Variants in YIPF4 observed in about 807,000 individuals in gnomAD.
YIPF4 encodes the protein Yip1 domain family member 4.
YIPF4 carries 18 observed loss-of-function variants against 29.4 expected under a neutral mutation model. The ratio of observed to expected loss-of-function variants is 0.61; its 90% confidence interval spans 0.42 to 0.91. YIPF4 has a LOEUF of 0.91. Ranked by LOEUF, YIPF4 falls within the 40% of genes least tolerant of loss-of-function variation. The probability of loss-of-function intolerance (pLI) is 0.00; values close to 1 mark genes in which losing one functional copy is unlikely to be tolerated. For synonymous variants in YIPF4, 115 were observed against 104.7 expected (o/e 1.10, Z -0.60); for missense variants, 279 against 282.7 (o/e 0.99, Z 0.09).
chr2:32,305,613 A>T lies in YIPF4; in HGVS notation c.722A>T (p.Tyr241Phe), dbSNP rs1558482841. 1 of 1,599,524 alleles carries T rather than the reference A, an allele frequency of 6.3e-7. No individual in the cohort carries two copies. Among genetic ancestry groups the T allele is most frequent in the Non-Finnish European group, 8.5e-7 (1 of 1,174,414 alleles). The change falls in exon 6 of 6, where the codon TAT (tyrosine) becomes TTT (phenylalanine). Residue 241 changes from tyrosine (Y) to phenylalanine (F), a missense_variant. Transcript: ENST00000238831. ...FLLYIYFLSL[Y>F]TGV ...TTATACATTTATTTTTTGTCGTTAT[A>T]TACTGGTGTGTGATCCAAGTTATAC...
chr2:32,296,579 A>T (rs1206472578), intron 3 of YIPF4, among the ~76,000 whole-genome samples: 1 of 152,034 alleles, frequency 6.6e-6, no homozygotes, highest in Admixed American at 6.5e-5. Flanking sequence ...TGGATTATGC[A>T]TTTTTGGCAA....
intron 1 of YIPF4, among the ~76,000 whole-genome samples, chr2:32,283,292 T>C (rs933179262): frequency 2.0e-5 from 3 of 152,164 alleles, no homozygotes; most frequent in Non-Finnish European, 4.4e-5. Context: ...TTTCTACACG[T>C]CATATAAATT....
Position 32,306,434 on chromosome 2 carries a change from A to C in YIPF4, c.*808A>C, listed in dbSNP as rs1292662009. 1 of 984,144 alleles carries C rather than the reference A, an allele frequency of 1.0e-6. No individual in the cohort carries two copies. Among genetic ancestry groups the C allele is most frequent in the Non-Finnish European group, 1.2e-6 (1 of 828,384 alleles). 61.0% of individuals were successfully genotyped at this position (984,144 alleles called of 1,614,324 possible). A position where few individuals can be genotyped will look rare whatever the true frequency, so the allele number is the denominator to read the frequency against. ...ATTAAAATCTTTACTATGTACAAAA[A>C]CAGTAATATTTACAGCATCAGTAAA... is the stretch of plus-strand genomic sequence containing the variant. On this transcript the variant is annotated 3_prime_UTR_variant, in exon 6 of 6. Coordinates refer to ENST00000238831, the MANE Select transcript of YIPF4 (RefSeq NM_032312.4).
chr2:32,293,777 C>G (rs1381948915), intron 3 of YIPF4, among the ~76,000 whole-genome samples: 3 of 150,592 alleles, frequency 2.0e-5, no homozygotes, highest in African/African-American at 4.9e-5. Context: ...TCCTCACTTC[C>G]CAGTAGGGGC....
intron 3 of YIPF4, 41 bp from the exon 4 acceptor site, chr2:32,298,193 T>C: frequency 7.0e-7 from 1 of 1,428,916 alleles, no homozygotes; most frequent in Non-Finnish European, 9.8e-7. Flanking sequence ...TATCATCTTA[T>C]TTGGTATAAA....
chr2:32,286,974 G>C (rs916738423), intron 1 of YIPF4, among the ~76,000 whole-genome samples: 2 of 152,198 alleles, frequency 1.3e-5, no homozygotes, highest in African/African-American at 4.8e-5. Flanking sequence ...GCCAGGCACA[G>C]TGGCTCGTGT....
At chr2:32,283,229 T>A (rs917670623) in intron 1 of YIPF4, among the ~76,000 whole-genome samples, 9 of 152,188 alleles carry the variant, frequency 5.9e-5, no homozygotes, top group South Asian at 2.1e-4. Context: ...ACTTTTTTTT[T>A]ATTGTTTTCC....
chr2:32,282,951 C>T (rs2030496601), intron 1 of YIPF4, among the ~76,000 whole-genome samples: 1 of 151,714 alleles, frequency 6.6e-6, no homozygotes, highest in Non-Finnish European at 1.5e-5. Flanking sequence ...GTGGCGGGTG[C>T]CTGTAGTCCC....
At position 32,292,250 on chromosome 2, in the gene YIPF4, G is replaced by C; in HGVS notation, c.307G>C (p.Gly103Arg). The C allele has an allele frequency of 6.2e-7, 1 of 1,604,292 alleles. No individual in the cohort carries two copies. ...RCVLMPMPSLGFNRQVVRDNP... is the reference protein window; with the variant it reads ...RCVLMPMPSLRFNRQVVRDNP... ...TGTTTTGATGCCAATGCCATCACTT[G>C]GTTTTAATAGACAAGTGGTGAGAGA... The change falls in exon 3 of 6, where the codon GGT becomes CGT. Residue 103 changes from glycine to arginine, a missense_variant. Gly to Arg is a moderately radical substitution (Grantham distance 125). Coordinates refer to ENST00000238831, the MANE Select transcript of YIPF4 (RefSeq NM_032312.4).
intron 1 of YIPF4, among the ~76,000 whole-genome samples, chr2:32,279,416 G>C (rs1396284815): frequency 7.8e-5 from 1 of 12,876 alleles, no homozygotes. Context: ...TTTTTTTTTT[G>C]AGACTGAGTC....
rs2031771189 is a variant in YIPF4 at position 32,313,953 on chromosome 2, C to T, written c.*8327C>T. ...AGGTGATCTGCCCGCCTTGGCCTCC[C>T]AAAGTGCTGGGATTATAGGCATGAA... is the stretch of plus-strand genomic sequence containing the variant. On this transcript the variant is annotated 3_prime_UTR_variant, in exon 6 of 6. Transcript: ENST00000238831. 6.6e-6 allele frequency: 1 copy of T among 152,212 alleles called. No homozygotes were observed. The highest frequency in any genetic ancestry group is 1.5e-5 in the Non-Finnish European group (1 of 68,062). 9.4% of individuals were successfully genotyped at this position (152,212 alleles called of 1,614,324 possible).
Position 32,306,505 on chromosome 2 carries a change from C to T in YIPF4, c.*879C>T, listed in dbSNP as rs1249552469. 2 of 983,778 alleles carry T rather than the reference C, an allele frequency of 2.0e-6. No individual in the cohort carries two copies. The highest frequency in any genetic ancestry group is 2.4e-6 in the Non-Finnish European group (2 of 828,666). The allele number at this position is 983,778 out of a possible 1,614,324, so 60.9% of individuals were successfully genotyped here. A position where few individuals can be genotyped will look rare whatever the true frequency, so the allele number is the denominator to read the frequency against. On this transcript the variant is annotated 3_prime_UTR_variant, in exon 6 of 6. Coordinates refer to ENST00000238831, the MANE Select transcript of YIPF4 (RefSeq NM_032312.4). ...AAATCATAAAAGTTGGGGAAAGAGA[C>T]CTTTAAAATCTTGTGGTGTTGAACA...
intron 3 of YIPF4, among the ~76,000 whole-genome samples, chr2:32,293,315 G>A (rs1172015265): frequency 6.6e-6 from 1 of 152,108 alleles, no homozygotes; most frequent in African/African-American, 2.4e-5. Context: ...CTGCCTTCAA[G>A]CATCTGTTTA....
At position 32,305,586 on chromosome 2, in the gene YIPF4, T is replaced by C. The variant is rs1283382041; in HGVS notation, c.695T>C (p.Leu232Ser). The change falls in exon 6 of 6, where the codon TTA (leucine) becomes TCA (serine). Residue 232 changes from leucine to serine, a missense_variant. Leu to Ser is a moderately radical substitution (Grantham distance 145). Transcript: ENST00000238831. ...KKPLLIYPIF[L>S]LYIYFLSLYT... The stretch of plus-strand genomic sequence containing the variant: ...CCTCTTCTGATTTATCCAATCTTTT[T>C]ATTATACATTTATTTTTTGTCGTTA... 1.2e-6 allele frequency: 2 copies of C among 1,608,334 alleles called. No individual in the cohort carries two copies. The highest frequency in any genetic ancestry group is 3.4e-5 in the Admixed American group (2 of 59,302).
chr2:32,304,759 A>G (rs2031519989), intron 5 of YIPF4, among the ~76,000 whole-genome samples: 1 of 152,204 alleles, frequency 6.6e-6, no homozygotes, highest in African/African-American at 2.4e-5. Flanking sequence ...AATTTCCTTG[A>G]AGTTTTTCCT....
rs538136845 is a variant in YIPF4 at position 32,278,900 on chromosome 2, A to T, written c.79+666A>T. Among the ~76,000 whole-genome samples, 28 of 152,274 alleles carry T rather than the reference A, an allele frequency of 1.8e-4. No individual in the cohort carries two copies. The South Asian group carries it at 5.8e-3, about 32-fold the overall frequency. On this transcript the variant is annotated intron_variant, in intron 1 of 5. Coordinates refer to ENST00000238831, the MANE Select transcript of YIPF4 (RefSeq NM_032312.4). ...GATTGTGCTGGAGATATTTTCCTAC[A>T]GCACAGGAGAATGTTTCCCTCCTAT...
chr2:32,283,350 A>G (rs1313102487), intron 1 of YIPF4, among the ~76,000 whole-genome samples: 1 of 152,172 alleles, frequency 6.6e-6, no homozygotes, highest in Non-Finnish European at 1.5e-5. Flanking sequence ...AATATTTTCA[A>G]CTTACAGATG....
intron 1 of YIPF4, among the ~76,000 whole-genome samples, chr2:32,281,283 C>T (rs1175736610): frequency 6.6e-6 from 1 of 151,576 alleles, no homozygotes; most frequent in Non-Finnish European, 1.5e-5. Flanking sequence ...CTCCCCTTGC[C>T]TAGGGTGGAG....
chr2:32,285,876 G>A (rs947220918), intron 1 of YIPF4, among the ~76,000 whole-genome samples: 42 of 152,116 alleles, frequency 2.8e-4, no homozygotes, highest in African/African-American at 1.0e-3. Context: ...GGTTGGTCTC[G>A]AAGTCTATGA....
Sources: allele counts gnomAD v4.1 joint callset (sites outside exome capture counted in the v4.1 genomes callset), GRCh38; gene constraint gnomAD v4.1.1; transcripts MANE v1.5; gene names NCBI Gene and HGNC (gene_info 2026-07-23, HGNC 2026-07-21).